IMPG1: variants seen among roughly 807,000 people sequenced by gnomAD.
IMPG1 encodes the protein interphotoreceptor matrix proteoglycan of 150 kDa.
A neutral mutation model predicts 92.0 loss-of-function variants in IMPG1; 85 were observed. The ratio of observed to expected loss-of-function variants is 0.92; its 90% CI spans 0.78 to 1.11. The LOEUF (loss-of-function observed/expected upper bound fraction) is 1.11, where lower values mean the gene tolerates loss of function less well. Ranked by LOEUF, IMPG1 falls within the 50% of genes least tolerant of loss-of-function variation. The pLI is 0.00. For missense variants in IMPG1, 1,022 were observed against 956.0 expected, an observed-to-expected ratio of 1.07 and a Z score of -0.91; for synonymous variants, 367 against 334.1, an observed-to-expected ratio of 1.10 and a Z score of -1.08.
At chr6:76,064,361 T>A (rs1455201107) in intron 1 of IMPG1, among the ~76,000 whole-genome samples, 1 of 48,266 alleles carries the variant, frequency 2.1e-5, no homozygotes. Context: ...GGGGCAACCA[T>A]TTTTTTTTCT....
chr6:75,927,680 C>T (rs6453849), intron 15 of IMPG1, among the ~76,000 whole-genome samples: 1 of 151,180 alleles, frequency 6.6e-6, no homozygotes, highest in Admixed American at 6.6e-5. Context: ...GTAATAAGGG[C>T]ATTTCTCCCT....
At chr6:76,059,217 G>C (rs1784165912) in intron 1 of IMPG1, among the ~76,000 whole-genome samples, 1 of 152,008 alleles carries the variant, frequency 6.6e-6, no homozygotes, top group African/African-American at 2.4e-5. Flanking sequence ...ATATTTTTGA[G>C]GGGGGTGGTT....
intron 4 of IMPG1, among the ~76,000 whole-genome samples, chr6:76,029,430 A>G (rs953075922): frequency 5.3e-5 from 8 of 152,244 alleles, no homozygotes; most frequent in Non-Finnish European, 1.2e-4. Flanking sequence ...CAGTCCTATT[A>G]TGATTTTGTT....
intron 1 of IMPG1, among the ~76,000 whole-genome samples, chr6:76,044,010 C>T (rs923721778): frequency 6.6e-6 from 1 of 152,210 alleles, no homozygotes; most frequent in Admixed American, 6.5e-5. Flanking sequence ...CCAGTGCTAT[C>T]GGCTTGATCT....
rs1782398804 is a variant in IMPG1 at position 75,970,736 on chromosome 6, T to G, written c.1292-19642A>C. Among the ~76,000 whole-genome samples, 3 of 152,240 alleles carry G rather than the reference T, an allele frequency of 2.0e-5. No homozygotes were observed. The South Asian group carries it at 6.2e-4, about 32-fold the overall frequency. On this transcript the variant is annotated intron_variant, in intron 12 of 16. Coordinates refer to ENST00000369950, the MANE Select transcript of IMPG1 (RefSeq NM_001563.4). ...ATTTGACATGCAATAATGTAATTTT[T>G]AATAGTATGATCAAAGTTCAATTCT... is the stretch of plus-strand genomic sequence containing the variant.
chr6:75,967,849 A>G (rs1189506840), intron 12 of IMPG1, among the ~76,000 whole-genome samples: 3 of 152,212 alleles, frequency 2.0e-5, no homozygotes, highest in Non-Finnish European at 4.4e-5. Context: ...ATATTTAGCC[A>G]CATTGTCCTT....
chr6:75,953,261 T>C (rs1023869661), intron 12 of IMPG1, among the ~76,000 whole-genome samples: 4 of 152,202 alleles, frequency 2.6e-5, no homozygotes, highest in Non-Finnish European at 5.9e-5. Flanking sequence ...GCCATTTCCC[T>C]TTGTGACATC....
At position 76,016,739 on chromosome 6, in the gene IMPG1, C is replaced by T. The variant is rs144102816; in HGVS notation, c.807+1979G>A. ...TTGTCCACATTGTAGTTCTTGGTTA[C>T]GTAATCTCATGGATGCTTCTATTTT... On this transcript the variant is annotated intron_variant, in intron 7 of 16. Transcript: ENST00000369950. 2.2e-4 allele frequency among the ~76,000 whole-genome samples: 33 copies of T among 152,254 alleles called. No homozygotes were observed. The South Asian group carries it at 3.5e-3, about 16-fold the overall frequency.
chr6:76,047,571 GC>G (rs1484908272), intron 1 of IMPG1, among the ~76,000 whole-genome samples: 18 of 152,154 alleles, frequency 1.2e-4, no homozygotes, highest in African/African-American at 4.3e-4. Context: ...CCTTTAGACT[GC>G]AAATACCTTT....
At chr6:76,056,025 C>T (rs1405353011) in intron 1 of IMPG1, among the ~76,000 whole-genome samples, 9 of 151,386 alleles carry the variant, frequency 5.9e-5, no homozygotes, top group African/African-American at 9.7e-5. Context: ...CTTGACAAAA[C>T]GAGTATGAGA....
chr6:76,047,575 A>C (rs1257536120), intron 1 of IMPG1, among the ~76,000 whole-genome samples: 3 of 152,156 alleles, frequency 2.0e-5, no homozygotes, highest in Non-Finnish European at 2.9e-5. Flanking sequence ...TAGACTGCAA[A>C]TACCTTTGGG....
intron 12 of IMPG1, among the ~76,000 whole-genome samples, chr6:75,987,232 C>T (rs1318096467): frequency 2.6e-5 from 4 of 151,390 alleles, no homozygotes; most frequent in Non-Finnish European, 4.4e-5. Context: ...AGGCCTCCTA[C>T]GACTTTTTAT....
At chr6:75,985,285 G>A (rs1038372880) in intron 12 of IMPG1, among the ~76,000 whole-genome samples, 2 of 152,152 alleles carry the variant, frequency 1.3e-5, no homozygotes, top group African/African-American at 4.8e-5. Flanking sequence ...ACCAAAAAGG[G>A]ACTTTAAAAT....
rs536434075 is a variant in IMPG1, at chr6:76,039,542, G to A, written c.301+2351C>T. On this transcript the variant is annotated intron_variant, in intron 2 of 16. Transcript: ENST00000369950. Reference sequence around the variant, plus strand: ...AGCTAATTTTTGTATTTTTAGTAGAGACAGGGTTTCACCATATTGGCCAGG... The same window carrying A: ...AGCTAATTTTTGTATTTTTAGTAGAAACAGGGTTTCACCATATTGGCCAGG... Among the ~76,000 whole-genome samples the A allele has an allele frequency of 5.3e-5, 8 of 152,248 alleles. No homozygotes were observed. The East Asian group carries it at 1.5e-3, about 29-fold the overall frequency.
Position 76,005,437 on chromosome 6 carries a change from T to C in IMPG1, c.985A>G (p.Lys329Glu), listed in dbSNP as rs1783078824. Residue 329 changes from lysine (K) to glutamate (E), a missense_variant, in exon 10 of 17, where the codon AAA (lysine) becomes GAA (glutamate). Physicochemically the swap from Lys to Glu is moderately conservative, Grantham distance 56. Transcript: ENST00000369950. ...TGATAGACTTCCTCACTTTCAATTT[T>C]GTTGGAATCAAAAGACAGGAGGTCA... is the stretch of plus-strand genomic sequence containing the variant. ...ASDLLSFDSN[K>E]IESEEVYHGT... 3 of 1,614,104 alleles carry C rather than the reference T, an allele frequency of 1.9e-6. No individual in the cohort carries two copies. The highest frequency in any genetic ancestry group is 2.5e-6 in the Non-Finnish European group (3 of 1,179,978).
At chr6:75,935,885 T>A (rs1442192539) in intron 14 of IMPG1, among the ~76,000 whole-genome samples, 1 of 152,226 alleles carries the variant, frequency 6.6e-6, no homozygotes, top group East Asian at 1.9e-4. Context: ...GCCCTGGTAG[T>A]CTGACAGTTC....
intron 15 of IMPG1, among the ~76,000 whole-genome samples, chr6:75,928,783 T>A (rs1397528473): frequency 6.6e-6 from 1 of 152,212 alleles, no homozygotes; most frequent in Non-Finnish European, 1.5e-5. Context: ...TATACAAAAC[T>A]GCCAATATTT....
intron 14 of IMPG1, among the ~76,000 whole-genome samples, chr6:75,946,622 T>C (rs1312837924): frequency 6.6e-6 from 1 of 152,198 alleles, no homozygotes; most frequent in African/African-American, 2.4e-5. Flanking sequence ...CACTCTTTGC[T>C]TTATTATCAG....
intron 7 of IMPG1, among the ~76,000 whole-genome samples, chr6:76,012,852 T>C (rs1200159741): frequency 6.6e-6 from 1 of 152,222 alleles, no homozygotes; most frequent in African/African-American, 2.4e-5. Context: ...AGTCTGCCTT[T>C]GTCCTCAGCC....
Sources: gnomAD v4.1 joint callset for allele counts (sites outside exome capture counted in the v4.1 genomes callset) on GRCh38, gnomAD v4.1.1 for gene constraint, MANE v1.5 for transcripts, NCBI Gene and HGNC (gene_info 2026-07-23, HGNC 2026-07-21) for gene names.